The following STAG1 variants were observed in gnomAD, a reference collection of about 807,000 sequenced individuals.
STAG1 encodes STAG1 cohesin complex component.
In STAG1, 26 loss-of-function variants were observed where a neutral mutation model predicts 170.9. The observed-to-expected ratio is 0.15, with a 90% CI of 0.11 to 0.21. The LOEUF is 0.21. Ranked by LOEUF, STAG1 falls within the 10% of genes least tolerant of loss-of-function variation. The pLI, the probability that STAG1 is intolerant of heterozygous loss-of-function variation, is 1.00. For synonymous variants in STAG1, 514 were observed against 497.7 expected, an observed-to-expected ratio of 1.03 and a Z score of -0.44; for missense variants, 964 against 1,509.5, an observed-to-expected ratio of 0.64 and a Z score of 5.99.
At chr3:136,537,328 T>C (rs1935679752) in intron 6 of STAG1, among the ~76,000 whole-genome samples, 1 of 152,120 alleles carries the variant, frequency 6.6e-6, no homozygotes, top group African/African-American at 2.4e-5. Flanking sequence ...TGGTCCATAT[T>C]TCAGACTGCT....
intron 21 of STAG1, among the ~76,000 whole-genome samples, chr3:136,413,711 G>A (rs1337972442): frequency 6.6e-6 from 1 of 152,146 alleles, no homozygotes; most frequent in African/African-American, 2.4e-5. Context: ...GCCTGCCTCA[G>A]TCTCCCAAAA....
chr3:136,732,303 AAAG>A (rs996224546), intron 1 of STAG1, among the ~76,000 whole-genome samples: 1 of 152,010 alleles, frequency 6.6e-6, no homozygotes, highest in Non-Finnish European at 1.5e-5. Context: ...ATGGGAGGAA[AAAG>A]TAGTAAGCCA....
At chr3:136,582,810 T>C (rs777863864) in intron 4 of STAG1, among the ~76,000 whole-genome samples, 13 of 151,930 alleles carry the variant, frequency 8.6e-5, no homozygotes, top group Non-Finnish European at 1.5e-4. Flanking sequence ...AAAAAATAAA[T>C]AAATAAAATA....
At chr3:136,470,697 C>A (rs531214603) in intron 12 of STAG1, among the ~76,000 whole-genome samples, 1 of 152,016 alleles carries the variant, frequency 6.6e-6, no homozygotes, top group Non-Finnish European at 1.5e-5. Context: ...ATGTTTATTG[C>A]GGCACTATTC....
intron 4 of STAG1, among the ~76,000 whole-genome samples, chr3:136,585,301 G>A (rs1047694882): frequency 1.3e-5 from 2 of 152,114 alleles, no homozygotes; most frequent in African/African-American, 2.4e-5. Flanking sequence ...AATTAGCCAG[G>A]TATGGTGGTG....
At chr3:136,606,844 G>A (rs1211317772) in intron 3 of STAG1, among the ~76,000 whole-genome samples, 2 of 151,510 alleles carry the variant, frequency 1.3e-5, no homozygotes, top group African/African-American at 4.9e-5. Context: ...CGTCTGCTGG[G>A]TTCGAGCAAT....
chr3:136,619,128 A>C (rs1939729061), intron 3 of STAG1, among the ~76,000 whole-genome samples: 1 of 152,078 alleles, frequency 6.6e-6, no homozygotes, highest in Admixed American at 6.6e-5. Context: ...CATGAAGGAC[A>C]GCTGACAATT....
Position 136,498,233 on chromosome 3 carries a change from T to TATATATATATATATATATATACATAC in STAG1, c.902+1989_902+1990insGTATGTATATATATATATATATATAT. 8.7e-5 allele frequency among the ~76,000 whole-genome samples: 5 copies of TATATATATATATATATATATACATAC among 57,482 alleles called. No individual in the cohort carries two copies. The South Asian group carries it at 2.4e-3, about 27-fold the overall frequency. The allele number at this position is 57,482 out of a possible 152,430, so 37.7% of individuals were successfully genotyped here. On this transcript the variant is annotated intron_variant, in intron 9 of 33. Transcript: ENST00000383202. ...AATTATATATATATATATATATATA[T>TATATATATATATATATATATACATAC]ACACATACATATACATACACACACA...
intron 9 of STAG1, among the ~76,000 whole-genome samples, chr3:136,492,481 C>T (rs1320280997): frequency 1.3e-5 from 2 of 152,074 alleles, no homozygotes; most frequent in Non-Finnish European, 2.9e-5. Context: ...GACTGCATGA[C>T]GGAGCCAAGA....
At chr3:136,415,755 G>A (rs905011366) in intron 21 of STAG1, among the ~76,000 whole-genome samples, 1 of 152,184 alleles carries the variant, frequency 6.6e-6, no homozygotes, top group Non-Finnish European at 1.5e-5. Flanking sequence ...CCAGGAAGCG[G>A]AGGTCACAGT....
intron 22 of STAG1, among the ~76,000 whole-genome samples, chr3:136,392,594 G>A (rs1026451961): frequency 5.1e-4 from 77 of 151,828 alleles, no homozygotes; most frequent in Non-Finnish European, 3.2e-4. Context: ...GTGAAACCCC[G>A]TCTCTGCTAA....
Position 136,422,454 on chromosome 3 carries a change from A to T in STAG1, c.1993T>A (p.Phe665Ile). The change falls in exon 19 of 34, where the codon TTT becomes ATT. Residue 665 changes from phenylalanine (F) to isoleucine (I), a missense_variant. Physicochemically the swap from Phe to Ile is conservative, Grantham distance 21. Transcript: ENST00000383202. ...DIARSQLIDE[F>I]VDRFNHSVED... Reference sequence around the variant, plus strand: ...ACAGAATGATTGAATCGATCTACAAACTCATCAATCAGCTGGCTTCGAGCT... The same window carrying T: ...ACAGAATGATTGAATCGATCTACAATCTCATCAATCAGCTGGCTTCGAGCT... The T allele has an allele frequency of 6.2e-7, 1 of 1,613,924 alleles. No individual in the cohort carries two copies. The highest frequency in any genetic ancestry group is 8.5e-7 in the Non-Finnish European group (1 of 1,179,972).
chr3:136,470,948 G>A (rs1009929855), intron 12 of STAG1, among the ~76,000 whole-genome samples: 7 of 146,702 alleles, frequency 4.8e-5, no homozygotes, highest in East Asian at 2.1e-4. Context: ...ACACTTGGAC[G>A]CAGGAAGGGG....
chr3:136,605,481 C>T (rs1424251564), intron 3 of STAG1, among the ~76,000 whole-genome samples: 1 of 152,170 alleles, frequency 6.6e-6, no homozygotes, highest in Non-Finnish European at 1.5e-5. Flanking sequence ...ACCAACGTTG[C>T]TAAATGCAAT....
intron 1 of STAG1, among the ~76,000 whole-genome samples, chr3:136,665,650 GGCGC>G (rs1415797316): frequency 1.3e-5 from 2 of 151,616 alleles, no homozygotes; most frequent in African/African-American, 2.4e-5. Context: ...TGTAGTGGCA[GGCGC>G]CTGTAGTCCC....
At chr3:136,660,630 A>G (rs1941547681) in intron 1 of STAG1, among the ~76,000 whole-genome samples, 1 of 152,194 alleles carries the variant, frequency 6.6e-6, no homozygotes, top group Admixed American at 6.5e-5. Flanking sequence ...CCTGTTTCAT[A>G]CACATTCTAA....
At chr3:136,438,972 G>T (rs1382035107) in intron 15 of STAG1, among the ~76,000 whole-genome samples, 1 of 151,686 alleles carries the variant, frequency 6.6e-6, no homozygotes, top group Admixed American at 6.6e-5. Context: ...CAAGGCAGGC[G>T]GATCACTTGA....
At chr3:136,443,893 C>T (rs1358407589) in intron 14 of STAG1, among the ~76,000 whole-genome samples, 1 of 152,168 alleles carries the variant, frequency 6.6e-6, no homozygotes, top group Non-Finnish European at 1.5e-5. Context: ...CACTATTCTA[C>T]TCTCATTTCC....
At chr3:136,459,398 A>G (rs2089212750) in intron 13 of STAG1, among the ~76,000 whole-genome samples, 1 of 152,270 alleles carries the variant, frequency 6.6e-6, no homozygotes, top group East Asian at 1.9e-4. Context: ...AGTAACTGCA[A>G]TGTAATAGGA....
Sources: allele counts gnomAD v4.1 joint callset (sites outside exome capture counted in the v4.1 genomes callset), GRCh38; gene constraint gnomAD v4.1.1; transcripts MANE v1.5; gene names NCBI Gene and HGNC (gene_info 2026-07-23, HGNC 2026-07-21).